The following SLC9A5 variants were observed in gnomAD, a reference collection of about 807,000 sequenced individuals.
The protein encoded by SLC9A5 is solute carrier family 9 member A5, also known as sodium/hydrogen exchanger 5.
SLC9A5 carries 52 observed loss-of-function variants against 91.7 expected under a neutral mutation model. That is an observed-to-expected ratio of 0.57 (90% CI 0.45 to 0.71). The LOEUF is 0.71. Among genes scored for constraint, SLC9A5 ranks in the 30% least tolerant of loss-of-function variants. The pLI, the probability that SLC9A5 is intolerant of heterozygous loss-of-function variation, is 0.00. For missense variants in SLC9A5, 871 were observed against 1,158.9 expected, an observed-to-expected ratio of 0.75 and a Z score of 3.61; for synonymous variants, 419 against 474.5, an observed-to-expected ratio of 0.88 and a Z score of 1.52.
intron 15 of SLC9A5, among the ~76,000 whole-genome samples, chr16:67,266,751 G>A (rs2035719265): frequency 6.6e-6 from 1 of 151,824 alleles, no homozygotes; most frequent in South Asian, 2.1e-4. Flanking sequence ...ATGTTGGCCA[G>A]GCTGGTCTTG....
rs757635179 is a variant in SLC9A5, at chr16:67,266,240, C to T, written c.2218+15C>T. ...CAAGGTCTCAGGTAATGGCTTCCTC[C>T]CTGCCCACCTCCCCTCTGGAGCAAG... On this transcript the variant is annotated intron_variant, in intron 15 of 15. Coordinates refer to ENST00000299798, the MANE Select transcript of SLC9A5 (RefSeq NM_004594.3). 1.9e-5 allele frequency: 30 copies of T among 1,580,068 alleles called. No homozygotes were observed. The highest frequency in any genetic ancestry group is 2.6e-5 in the Non-Finnish European group (30 of 1,165,326).
At chr16:67,253,535 G>A (rs547574775) in intron 2 of SLC9A5, among the ~76,000 whole-genome samples, 2 of 152,020 alleles carry the variant, frequency 1.3e-5, no homozygotes, top group South Asian at 4.2e-4. Flanking sequence ...GTTGTTGCTT[G>A]TTTTTTTGAG....
Position 67,260,354 on chromosome 16 carries a change from C to CAAAAAAAAAAAAAAAAAAAAAAA in SLC9A5, c.1842+409_1842+431dup, listed in dbSNP as rs397932908. Among the ~76,000 whole-genome samples the CAAAAAAAAAAAAAAAAAAAAAAA allele has an allele frequency of 1.0e-3, 35 of 33,438 alleles. 1 individual carries two copies. The highest frequency in any genetic ancestry group is 4.3e-3 in the African/African-American group (22 of 5,166). The allele number at this position is 33,438 out of a possible 152,430, so 21.9% of individuals were successfully genotyped here. ...TGGGTAACAGAGCAAGACTCCATCTCAAAAAAAAAAAAAAAAAAAAAAAGA... is the reference window on the plus strand; with the variant it reads ...TGGGTAACAGAGCAAGACTCCATCTCAAAAAAAAAAAAAAAAAAAAAAAAAAAAAAAAAAAAAAAAAAAAAAGA... On this transcript the variant is annotated intron_variant, in intron 12 of 15. Coordinates refer to ENST00000299798, the MANE Select transcript of SLC9A5 (RefSeq NM_004594.3).
chr16:67,264,631 C>T (rs2035640606), intron 13 of SLC9A5, 109 bp downstream of exon 13: 1 of 1,099,304 alleles, frequency 9.1e-7, no homozygotes, highest in East Asian at 2.4e-5. Context: ...TTGGGACAGT[C>T]CTCAGGGGCT....
At chr16:67,249,432 C>T (rs747437336) in intron 1 of SLC9A5, among the ~76,000 whole-genome samples, 1 of 152,176 alleles carries the variant, frequency 6.6e-6, no homozygotes, top group Non-Finnish European at 1.5e-5. Context: ...AAGGGCTGTC[C>T]CCCGCTCTCC....
At position 67,255,386 on chromosome 16, in the gene SLC9A5, C is replaced by G; in HGVS notation, c.655-7C>G. 3 of 1,608,392 alleles carry G rather than the reference C, an allele frequency of 1.9e-6. No individual in the cohort carries two copies. ...GCCTCACTGCTGACTCTCCTCTTCT[C>G]GCTCAGGTGCTGTACAAGGTCTGCA... On this transcript the variant is annotated splice_polypyrimidine_tract_variant and splice_region_variant and intron_variant, in intron 3 of 15. Coordinates refer to ENST00000299798, the MANE Select transcript of SLC9A5 (RefSeq NM_004594.3). This position sits in a 1 kb window ranked among gnomAD's most constrained non-coding sequence, Gnocchi z 4.9.
At position 67,258,268 on chromosome 16, in the gene SLC9A5, G is replaced by C. The variant is rs1174541199; in HGVS notation, c.1497-50G>C. The C allele has an allele frequency of 1.9e-6, 3 of 1,606,268 alleles. No individual in the cohort carries two copies. The highest frequency in any genetic ancestry group is 2.5e-6 in the Non-Finnish European group (3 of 1,176,926). ...TGCCCCGTCTGAGGAAGGGCCACCTGGCCAGGCCTTGGGAATGGGACTCAG... is the reference window on the plus strand; with the variant it reads ...TGCCCCGTCTGAGGAAGGGCCACCTCGCCAGGCCTTGGGAATGGGACTCAG... On this transcript the variant is annotated intron_variant, in intron 9 of 15. Transcript: ENST00000299798. This position sits in a 1 kb window ranked among gnomAD's most constrained non-coding sequence, Gnocchi z 4.5.
chr16:67,271,528 G>T lies in SLC9A5; in HGVS notation c.*318G>T, dbSNP rs539241669. On this transcript the variant is annotated 3_prime_UTR_variant, in exon 16 of 16. Coordinates refer to ENST00000299798, the MANE Select transcript of SLC9A5 (RefSeq NM_004594.3). ...CCCCCTTCCCTAGTGGGTTTTCCCG[G>T]GGACTCTATAGGCAGCTGCTCCTGC... 1,151 of 383,460 alleles carry T rather than the reference G, an allele frequency of 3.0e-3. 3 individuals carry two copies. Among genetic ancestry groups the T allele is most frequent in the Non-Finnish European group, 4.8e-3 (995 of 206,804 alleles). 23.8% of individuals were successfully genotyped at this position (383,460 alleles called of 1,614,324 possible).
At position 67,258,308 on chromosome 16, in the gene SLC9A5, T is replaced by A; in HGVS notation, c.1497-10T>A. The stretch of plus-strand genomic sequence containing the variant: ...ATGGGACTCAGGGCCGGGCCTGGCA[T>A]CCTCTGTAGGTGGGAGCAGTTTGAC... On this transcript the variant is annotated splice_polypyrimidine_tract_variant and intron_variant, in intron 9 of 15. Coordinates refer to ENST00000299798, the MANE Select transcript of SLC9A5 (RefSeq NM_004594.3). The surrounding 1 kb of genome is among the most constrained non-coding windows in gnomAD (Gnocchi z 4.5). 1.2e-6 allele frequency: 2 copies of A among 1,613,598 alleles called. No homozygotes were observed. The highest frequency in any genetic ancestry group is 1.7e-6 in the Non-Finnish European group (2 of 1,179,980).
chr16:67,258,403 T>C lies in SLC9A5; in HGVS notation c.1582T>C (p.Tyr528His). Residue 528 changes from tyrosine to histidine, a missense_variant, in exon 10 of 16, where the codon TAC becomes CAC. Tyr to His is a moderately conservative substitution (Grantham distance 83). Around this residue, in one of 3 missense-constraint regions of SLC9A5, gnomAD observed 454 missense variants for 718.3 expected, o/e 0.63. Coordinates refer to ENST00000299798, the MANE Select transcript of SLC9A5 (RefSeq NM_004594.3). This position sits in a 1 kb window ranked among gnomAD's most constrained non-coding sequence, Gnocchi z 4.5. The stretch of plus-strand genomic sequence containing the variant: ...CATCCGGGACCAGATCTGGGATGTG[T>C]ACTACAGGCTTAACATCCGGGATGC... Reference protein sequence around the residue: ...YRIRDQIWDVYYRLNIRDAIS... With the variant: ...YRIRDQIWDVHYRLNIRDAIS... 6.2e-7 allele frequency: 1 copy of C among 1,614,136 alleles called. No individual in the cohort carries two copies. The highest frequency in any genetic ancestry group is 8.5e-7 in the Non-Finnish European group (1 of 1,179,976).
Position 67,271,092 on chromosome 16 carries a change from A to C in SLC9A5, c.2573A>C (p.Asp858Ala), listed in dbSNP as rs1597369060. The change falls in exon 16 of 16, where the codon GAC becomes GCC. Residue 858 changes from aspartate to alanine, a missense_variant. This residue lies in a region of SLC9A5 where 295 missense variants were observed against 326.0 expected (regional missense o/e 0.90). Transcript: ENST00000299798. The stretch of plus-strand genomic sequence containing the variant: ...CGCTCTCGCAGTGAGAGCAGCGCTG[A>C]CCTCCCCCAGCAGCAGGAGCTGCAG... ...AGRSRSESSA[D>A]LPQQQELQPL... 1 of 1,613,468 alleles carries C rather than the reference A, an allele frequency of 6.2e-7. No individual in the cohort carries two copies. Among genetic ancestry groups the C allele is most frequent in the South Asian group, 1.1e-5 (1 of 91,012 alleles).
chr16:67,259,078 G>A (rs1307008837), intron 10 of SLC9A5, among the ~76,000 whole-genome samples: 1 of 152,020 alleles, frequency 6.6e-6, no homozygotes, highest in Non-Finnish European at 1.5e-5. Flanking sequence ...GGCCAACATA[G>A]TGAAACCCCG....
At position 67,255,976 on chromosome 16, in the gene SLC9A5, G is replaced by A; in HGVS notation, c.911+46G>A. On this transcript the variant is annotated intron_variant, in intron 5 of 15. Coordinates refer to ENST00000299798, the MANE Select transcript of SLC9A5 (RefSeq NM_004594.3). The surrounding 1 kb of genome is among the most constrained non-coding windows in gnomAD (Gnocchi z 4.9). ...AGGCAGATAGCTGGGAGGGGGCACTGGAGATGGTTGCCCCTCATAGGGACA... is the reference window on the plus strand; with the variant it reads ...AGGCAGATAGCTGGGAGGGGGCACTAGAGATGGTTGCCCCTCATAGGGACA... The A allele has an allele frequency of 6.3e-7, 1 of 1,585,304 alleles. No homozygotes were observed. Among genetic ancestry groups the A allele is most frequent in the Non-Finnish European group, 8.6e-7 (1 of 1,162,026 alleles).
In SLC9A5 at chr16:67,270,833, G is replaced by T; in HGVS notation, c.2314G>T (p.Ala772Ser). ...CTGGAAGAGTGGGCAGGGGGACCTG[G>T]CAGTGTACGTGTCCTCGGAAACCAC... Reference protein sequence around the residue: ...LPWKSGQGDLAVYVSSETTKI... With the variant: ...LPWKSGQGDLSVYVSSETTKI... The change falls in exon 16 of 16, where the codon GCA becomes TCA. Residue 772 changes from alanine (A) to serine (S), a missense_variant. By Grantham distance (99) the Ala-to-Ser change is moderately conservative (BLOSUM62 1). This residue lies in a region of SLC9A5 where 295 missense variants were observed against 326.0 expected (regional missense o/e 0.90). Transcript: ENST00000299798. This position sits in a 1 kb window ranked among gnomAD's most constrained non-coding sequence, Gnocchi z 4.3. 3 of 1,614,116 alleles carry T rather than the reference G, an allele frequency of 1.9e-6. No homozygotes were observed. The highest frequency in any genetic ancestry group is 2.5e-6 in the Non-Finnish European group (3 of 1,180,000).
chr16:67,268,722 G>A (rs1342718903), intron 15 of SLC9A5, among the ~76,000 whole-genome samples: 1 of 90,614 alleles, frequency 1.1e-5, no homozygotes, highest in Admixed American at 1.6e-4. Context: ...TTTTACAGTA[G>A]GCTTGTCCAA....
chr16:67,270,629 G>T lies in SLC9A5; in HGVS notation c.2219-109G>T. ...TCAGCAAGACATTCATCCGATAATC[G>T]CAAAAATGGACGGCATATGGAAACT... is the stretch of plus-strand genomic sequence containing the variant. On this transcript the variant is annotated intron_variant, in intron 15 of 15. Transcript: ENST00000299798. This position sits in a 1 kb window ranked among gnomAD's most constrained non-coding sequence, Gnocchi z 4.3. 1.2e-6 allele frequency: 1 copy of T among 808,696 alleles called. No homozygotes were observed. Among genetic ancestry groups the T allele is most frequent in the Non-Finnish European group, 1.9e-6 (1 of 522,220 alleles). The allele number at this position is 808,696 out of a possible 1,614,324, so 50.1% of individuals were successfully genotyped here. A position where few individuals can be genotyped will look rare whatever the true frequency, so the allele number is the denominator to read the frequency against.
chr16:67,271,500 G>T lies in SLC9A5; in HGVS notation c.*290G>T. On this transcript the variant is annotated 3_prime_UTR_variant, in exon 16 of 16. Coordinates refer to ENST00000299798, the MANE Select transcript of SLC9A5 (RefSeq NM_004594.3). ...GCTAGGCCCAGAGACTTGGGTTGCTGGTCCCCCTTCCCTAGTGGGTTTTCC... is the reference window on the plus strand; with the variant it reads ...GCTAGGCCCAGAGACTTGGGTTGCTTGTCCCCCTTCCCTAGTGGGTTTTCC... 2.3e-6 allele frequency: 1 copy of T among 443,616 alleles called. No individual in the cohort carries two copies. Among genetic ancestry groups the T allele is most frequent in the Non-Finnish European group, 4.1e-6 (1 of 243,850 alleles). 27.5% of individuals were successfully genotyped at this position (443,616 alleles called of 1,614,324 possible). A position where few individuals can be genotyped will look rare whatever the true frequency, so the allele number is the denominator to read the frequency against.
At position 67,271,025 on chromosome 16, in the gene SLC9A5, C is replaced by G; in HGVS notation, c.2506C>G (p.Arg836Gly). ...QVPLHLPSDP[R>G]SSFAFPPSLA... The stretch of plus-strand genomic sequence containing the variant: ...CCCTCTCCACCTACCTTCTGATCCA[C>G]GCTCTAGCTTCGCCTTCCCACCGAG... The change falls in exon 16 of 16, where the codon CGC (arginine) becomes GGC (glycine). Residue 836 changes from arginine to glycine, a missense_variant. Physicochemically the swap from Arg to Gly is moderately radical, Grantham distance 125 (BLOSUM62 -2). Around this residue, in one of 3 missense-constraint regions of SLC9A5, gnomAD observed 295 missense variants for 326.0 expected, o/e 0.90. Transcript: ENST00000299798. 6.2e-7 allele frequency: 1 copy of G among 1,613,370 alleles called. No individual in the cohort carries two copies. Among genetic ancestry groups the G allele is most frequent in the Admixed American group, 1.7e-5 (1 of 59,970 alleles).
At chr16:67,260,297 A>T (rs1247332161) in intron 12 of SLC9A5, among the ~76,000 whole-genome samples, 1 of 146,140 alleles carries the variant, frequency 6.8e-6, no homozygotes, top group Non-Finnish European at 1.5e-5. Flanking sequence ...AGAGGTTGCA[A>T]TGAGCTGAGG....
Sources: gnomAD v4.1 joint callset for allele counts (sites outside exome capture counted in the v4.1 genomes callset) on GRCh38, gnomAD v4.1.1 for gene constraint, gnomAD v4.1.1 regional missense constraint, Gnocchi (gnomAD v3.1) non-coding constraint, MANE v1.5 for transcripts, NCBI Gene and HGNC (gene_info 2026-07-23, HGNC 2026-07-21) for gene names.